Variants in NUMB observed in about 807,000 individuals in gnomAD.
NUMB encodes NUMB endocytic adaptor protein, also known as protein numb homolog.
A neutral mutation model predicts 59.7 loss-of-function variants in NUMB; 29 were observed. That is an observed-to-expected ratio of 0.49 (90% CI 0.36 to 0.66). NUMB has a LOEUF of 0.66. NUMB is among the 30% of genes least tolerant of loss of function. The probability of loss-of-function intolerance (pLI) is 0.00; values close to 1 mark genes in which losing one functional copy is unlikely to be tolerated. For missense variants in NUMB, 723 were observed against 822.0 expected (o/e 0.88, Z 1.47); for synonymous variants, 288 against 288.2 (o/e 1.00, Z 0.01).
chr14:73,390,604 A>G (rs983840659), intron 2 of NUMB, among the ~76,000 whole-genome samples: 1 of 126,552 alleles, frequency 7.9e-6, no homozygotes, highest in Non-Finnish European at 1.7e-5. Flanking sequence ...TGTCTTATTT[A>G]TAAGACTGAT....
rs542251389 is a variant in NUMB, at chr14:73,424,543, A to G, written c.-232-14475T>C. Among the ~76,000 whole-genome samples, 5 of 152,302 alleles carry G rather than the reference A, an allele frequency of 3.3e-5. No homozygotes were observed. The South Asian group carries it at 1.0e-3, about 32-fold the overall frequency. On this transcript the variant is annotated intron_variant, in intron 1 of 12. Coordinates refer to ENST00000555238, the MANE Select transcript of NUMB (RefSeq NM_001005743.2). The stretch of plus-strand genomic sequence containing the variant: ...CATGGTTCCAAACACCTATATGCAC[A>G]CAGTAGTTTATAACATAAGACAAAA...
intron 2 of NUMB, among the ~76,000 whole-genome samples, chr14:73,404,470 T>C (rs1566782466): frequency 6.6e-6 from 1 of 152,256 alleles, no homozygotes; most frequent in East Asian, 1.9e-4. Context: ...AGGTAAATTA[T>C]GTTGTCTACA....
At chr14:73,379,862 C>A (rs896049982) in intron 2 of NUMB, among the ~76,000 whole-genome samples, 6 of 152,274 alleles carry the variant, frequency 3.9e-5, no homozygotes, top group African/African-American at 1.4e-4. Context: ...CAGAAAGTTT[C>A]AGAGGCCATT....
chr14:73,378,192 A>G (rs1346913365), intron 2 of NUMB, among the ~76,000 whole-genome samples: 1 of 152,190 alleles, frequency 6.6e-6, no homozygotes, highest in Non-Finnish European at 1.5e-5. Context: ...GCAAATTAAA[A>G]CAACCAGATA....
intron 7 of NUMB, among the ~76,000 whole-genome samples, chr14:73,293,437 G>T (rs1401730921): frequency 7.1e-6 from 1 of 140,670 alleles, no homozygotes; most frequent in African/African-American, 2.7e-5. Flanking sequence ...TGTCACCCAG[G>T]CTGGAGTGCA....
chr14:73,355,648 C>T lies in NUMB; in HGVS notation c.104G>A (p.Gly35Glu). The T allele has an allele frequency of 6.2e-7, 1 of 1,613,348 alleles. No homozygotes were observed. The highest frequency in any genetic ancestry group is 8.5e-7 in the Non-Finnish European group (1 of 1,179,710). The change falls in exon 4 of 13, where the codon GGA becomes GAA. Residue 35 changes from glycine (G) to glutamate (E), a missense_variant. Gly to Glu is a moderately conservative substitution (Grantham distance 98). This residue lies in a region of NUMB where 317 missense variants were observed against 436.6 expected (regional missense o/e 0.73). Coordinates refer to ENST00000555238, the MANE Select transcript of NUMB (RefSeq NM_001005743.2). The stretch of plus-strand genomic sequence containing the variant: ...TACCTTAACCGGGAAGCTACATTTT[C>T]CGGTGCGAACGCCTTCTTCATCTGT... Reference protein sequence around the residue: ...WQTDEEGVRTGKCSFPVKYLG... With the variant: ...WQTDEEGVRTEKCSFPVKYLG...
chr14:73,319,965 A>C (rs1390743230), intron 5 of NUMB, among the ~76,000 whole-genome samples: 1 of 152,102 alleles, frequency 6.6e-6, no homozygotes. Context: ...CTCTGTCTCT[A>C]CTAAAAATAC....
At chr14:73,455,728 T>C (rs1201710083) in intron 1 of NUMB, among the ~76,000 whole-genome samples, 2 of 152,238 alleles carry the variant, frequency 1.3e-5, no homozygotes, top group African/African-American at 4.8e-5. Flanking sequence ...AAATATCTTT[T>C]CATTTTTCTC....
intron 1 of NUMB, among the ~76,000 whole-genome samples, chr14:73,438,240 T>C (rs1898138836): frequency 6.6e-6 from 1 of 152,228 alleles, no homozygotes; most frequent in South Asian, 2.1e-4. Context: ...TTGTGTTTTA[T>C]AATAATCAGA....
chr14:73,384,174 C>T (rs1299138405), intron 2 of NUMB, among the ~76,000 whole-genome samples: 11 of 148,864 alleles, frequency 7.4e-5, no homozygotes, highest in African/African-American at 1.2e-4. Context: ...TTTTTTGAGA[C>T]GGAGTCTTCC....
intron 4 of NUMB, among the ~76,000 whole-genome samples, chr14:73,350,903 T>C (rs1893214841): frequency 6.6e-6 from 1 of 152,206 alleles, no homozygotes; most frequent in Non-Finnish European, 1.5e-5. Context: ...TAGTCTAACC[T>C]ACCATTATCT....
At chr14:73,365,940 C>T (rs921307326) in intron 3 of NUMB, among the ~76,000 whole-genome samples, 2 of 152,200 alleles carry the variant, frequency 1.3e-5, no homozygotes, top group Admixed American at 1.3e-4. Context: ...TCAGTGTGCA[C>T]ATTCACCATA....
At chr14:73,448,444 G>A (rs1328319607) in intron 1 of NUMB, among the ~76,000 whole-genome samples, 1 of 151,790 alleles carries the variant, frequency 6.6e-6, no homozygotes. Context: ...CTCCCTCCTT[G>A]GCTCCCAAAG....
chr14:73,388,992 G>T (rs1012199592), intron 2 of NUMB, among the ~76,000 whole-genome samples: 1 of 151,594 alleles, frequency 6.6e-6, no homozygotes, highest in African/African-American at 2.4e-5. Context: ...CCAGCTACCA[G>T]AGAGGCTGCG....
At chr14:73,278,222 T>C (rs181173932) in intron 12 of NUMB, among the ~76,000 whole-genome samples, 2 of 152,244 alleles carry the variant, frequency 1.3e-5, no homozygotes, top group Admixed American at 1.3e-4. Context: ...CCTTTATTAC[T>C]ATGTTAAAAC....
intron 6 of NUMB, among the ~76,000 whole-genome samples, chr14:73,302,106 A>G (rs1212424702): frequency 6.6e-6 from 1 of 152,046 alleles, no homozygotes; most frequent in African/African-American, 2.4e-5. Context: ...AATAAAAAAA[A>G]TTGTGCTTTT....
At position 73,353,072 on chromosome 14, in the gene NUMB, G is replaced by GTTTTTCTTTTTTTTTTTTTTTTTTTTT. The variant is rs71450219; in HGVS notation, c.126+2553_126+2554insAAAAAAAAAAAAAAAAAAAAAGAAAAA. Among the ~76,000 whole-genome samples the GTTTTTCTTTTTTTTTTTTTTTTTTTTT allele has an allele frequency of 9.6e-4, 56 of 58,520 alleles. 15 individuals are homozygous for GTTTTTCTTTTTTTTTTTTTTTTTTTTT. The highest frequency in any genetic ancestry group is 2.5e-3 in the East Asian group (4 of 1,596). The allele number at this position is 58,520 out of a possible 152,430, so 38.4% of individuals were successfully genotyped here. Reference sequence around the variant, plus strand: ...CTTAATGGATGCCACAGTTTTTCTTGTTTTTTTTTTTTTTTTTTTTTTTTT... The same window carrying GTTTTTCTTTTTTTTTTTTTTTTTTTTT: ...CTTAATGGATGCCACAGTTTTTCTTGTTTTTCTTTTTTTTTTTTTTTTTTTTTTTTTTTTTTTTTTTTTTTTTTTTTT... On this transcript the variant is annotated intron_variant, in intron 4 of 12. Coordinates refer to ENST00000555238, the MANE Select transcript of NUMB (RefSeq NM_001005743.2).
chr14:73,440,455 T>C (rs1161136414), intron 1 of NUMB, among the ~76,000 whole-genome samples: 1 of 151,190 alleles, frequency 6.6e-6, no homozygotes, highest in Non-Finnish European at 1.5e-5. Flanking sequence ...TAAGAAAAAA[T>C]AAACTAAAAC....
At chr14:73,404,671 G>A (rs1896576432) in intron 2 of NUMB, among the ~76,000 whole-genome samples, 1 of 152,020 alleles carries the variant, frequency 6.6e-6, no homozygotes, top group African/African-American at 2.4e-5. Flanking sequence ...TAATTTCCTG[G>A]TTTTGGTATT....
Sources: allele counts gnomAD v4.1 joint callset (sites outside exome capture counted in the v4.1 genomes callset), GRCh38; gene constraint gnomAD v4.1.1; regional missense constraint gnomAD v4.1.1; transcripts MANE v1.5; gene names NCBI Gene and HGNC (gene_info 2026-07-23, HGNC 2026-07-21).